Variants in GNAQ observed in about 807,000 individuals in gnomAD.
The protein encoded by GNAQ is G protein subunit alpha q.
A neutral mutation model predicts 43.9 loss-of-function variants in GNAQ; 8 were observed. The ratio of observed to expected loss-of-function variants is 0.18; its 90% CI spans 0.11 to 0.33. The LOEUF is 0.33. Among genes scored for constraint, GNAQ ranks in the 10% least tolerant of loss-of-function variants. The pLI, the probability that GNAQ is intolerant of heterozygous loss-of-function variation, is 1.00. For missense variants in GNAQ, 158 were observed against 450.8 expected (o/e 0.35, Z 5.88); for synonymous variants, 155 against 170.7 (o/e 0.91, Z 0.71).
chr9:77,984,732 G>A (rs186968053), intron 1 of GNAQ, among the ~76,000 whole-genome samples: 125 of 152,180 alleles, frequency 8.2e-4, no homozygotes, highest in African/African-American at 2.9e-3. Context: ...GTGCTCTAAC[G>A]CAGGGGTTCA....
chr9:77,931,564 C>T (rs2118308200), intron 1 of GNAQ, among the ~76,000 whole-genome samples: 1 of 151,822 alleles, frequency 6.6e-6, no homozygotes, highest in African/African-American at 2.4e-5. Context: ...GCACTCCAGC[C>T]TGGGTGACAG....
chr9:78,030,949 C>A, intron 1 of GNAQ, 151 bp downstream of exon 1: 1 of 398,378 alleles, frequency 2.5e-6, no homozygotes. Context: ...CGCGCCCGCG[C>A]GGGTGAAGGC....
chr9:77,903,595 T>G (rs1828648865), intron 2 of GNAQ, among the ~76,000 whole-genome samples: 1 of 152,176 alleles, frequency 6.6e-6, no homozygotes, highest in Non-Finnish European at 1.5e-5. Flanking sequence ...AGGCTCTATC[T>G]GGTTGACAGG....
intron 2 of GNAQ, among the ~76,000 whole-genome samples, chr9:77,843,592 T>G: frequency 6.6e-6 from 1 of 152,268 alleles, no homozygotes; most frequent in South Asian, 2.1e-4. Context: ...ACCCCTTGGA[T>G]AGAGTAGTTT....
At chr9:77,878,952 A>G (rs1828169005) in intron 2 of GNAQ, among the ~76,000 whole-genome samples, 1 of 152,118 alleles carries the variant, frequency 6.6e-6, no homozygotes, top group African/African-American at 2.4e-5. Context: ...AGGCTGAGGC[A>G]AGAGAATCGC....
chr9:78,024,385 C>A (rs182914648), intron 1 of GNAQ, among the ~76,000 whole-genome samples: 2 of 152,174 alleles, frequency 1.3e-5, no homozygotes, highest in Admixed American at 6.5e-5. Context: ...CTTCCGATTA[C>A]CCTCCATTCT....
chr9:77,763,146 A>C (rs776158126), intron 5 of GNAQ, among the ~76,000 whole-genome samples: 10,110 of 147,938 alleles, frequency 0.068, 420 homozygotes, highest in South Asian at 0.14. Context: ...ACAAACAAAA[A>C]AAAAAAAAAC....
intron 1 of GNAQ, among the ~76,000 whole-genome samples, chr9:77,993,286 T>C (rs1178316977): frequency 6.6e-6 from 1 of 152,148 alleles, no homozygotes. Flanking sequence ...ATATAATATA[T>C]ATAGACTATA....
chr9:77,969,796 T>C (rs879333812), intron 1 of GNAQ, among the ~76,000 whole-genome samples: 2 of 152,198 alleles, frequency 1.3e-5, no homozygotes, highest in African/African-American at 4.8e-5. Flanking sequence ...AATGCATGCC[T>C]ACTAAATGTA....
chr9:77,752,713 C>T (rs1825830529), intron 5 of GNAQ, among the ~76,000 whole-genome samples: 2 of 152,210 alleles, frequency 1.3e-5, no homozygotes, highest in African/African-American at 2.4e-5. Flanking sequence ...TGCAAAGTCA[C>T]TGGGTTTCTA....
At chr9:77,758,582 C>T (rs1825939490) in intron 5 of GNAQ, among the ~76,000 whole-genome samples, 1 of 152,100 alleles carries the variant, frequency 6.6e-6, no homozygotes. Flanking sequence ...TACCTCAGAT[C>T]CATGTTTCCT....
chr9:77,793,143 G>C (rs189095014), intron 5 of GNAQ, among the ~76,000 whole-genome samples: 901 of 152,242 alleles, frequency 5.9e-3, no homozygotes, highest in Non-Finnish European at 0.01. Flanking sequence ...CAGACATAAA[G>C]ATATACAGAT....
intron 5 of GNAQ, among the ~76,000 whole-genome samples, chr9:77,745,753 G>GA (rs1340492440): frequency 1.3e-3 from 199 of 151,600 alleles, no homozygotes; most frequent in Non-Finnish European, 1.6e-3. Context: ...AAAAATTTCA[G>GA]AAAAATAAAA....
chr9:77,991,914 C>T (rs1413853397), intron 1 of GNAQ, among the ~76,000 whole-genome samples: 3 of 152,230 alleles, frequency 2.0e-5, no homozygotes, highest in Admixed American at 6.5e-5. Context: ...CATTTTATGG[C>T]AGAGTAGTAT....
At chr9:77,744,482 T>C (rs1361200078) in intron 5 of GNAQ, among the ~76,000 whole-genome samples, 1 of 152,188 alleles carries the variant, frequency 6.6e-6, no homozygotes, top group Non-Finnish European at 1.5e-5. Context: ...CATGTGTCTC[T>C]AAAAGTAACA....
At chr9:77,872,843 T>C (rs1025456245) in intron 2 of GNAQ, among the ~76,000 whole-genome samples, 26 of 152,072 alleles carry the variant, frequency 1.7e-4, no homozygotes, top group Non-Finnish European at 3.4e-4. Flanking sequence ...ACCAACACAA[T>C]ACACCTGAAG....
chr9:77,895,025 C>T (rs1439271953), intron 2 of GNAQ, among the ~76,000 whole-genome samples: 1 of 149,188 alleles, frequency 6.7e-6, no homozygotes, highest in Admixed American at 6.7e-5. Flanking sequence ...CCTGTCTCTA[C>T]TAAAAATACA....
intron 5 of GNAQ, among the ~76,000 whole-genome samples, chr9:77,770,403 A>G (rs1471906994): frequency 6.6e-6 from 1 of 152,212 alleles, no homozygotes; most frequent in African/African-American, 2.4e-5. Flanking sequence ...CCCAAAAAAC[A>G]CAATCTTAGC....
intron 2 of GNAQ, among the ~76,000 whole-genome samples, chr9:77,864,782 G>A (rs761862253): frequency 6.6e-6 from 1 of 152,156 alleles, no homozygotes; most frequent in Non-Finnish European, 1.5e-5. Flanking sequence ...AGCAGCAATA[G>A]GAAATGAACA....
Sources: gnomAD v4.1 joint callset for allele counts (sites outside exome capture counted in the v4.1 genomes callset) on GRCh38, gnomAD v4.1.1 for gene constraint, MANE v1.5 for transcripts, NCBI Gene and HGNC (gene_info 2026-07-23, HGNC 2026-07-21) for gene names.